The following MGAM variants were observed in gnomAD, a reference collection of about 807,000 sequenced individuals.
MGAM encodes maltase-glucoamylase.
Under a neutral mutation model 358.8 loss-of-function variants are expected in MGAM, and 253 were observed. That is an observed-to-expected ratio of 0.71 (90% CI 0.64 to 0.78). MGAM has a LOEUF of 0.78. Among genes scored for constraint, MGAM ranks in the 30% least tolerant of loss-of-function variants. The pLI is 0.00. For synonymous variants in MGAM, 1,105 were observed against 1,227.1 expected, an observed-to-expected ratio of 0.90 and a Z score of 2.08; for missense variants, 3,080 against 3,432.6, an observed-to-expected ratio of 0.90 and a Z score of 2.57.
rs1554458976 is a variant in MGAM, at chr7:142,021,853, G to A, written c.710+116G>A. On this transcript the variant is annotated intron_variant, in intron 6 of 70. Coordinates refer to ENST00000475668, the MANE Select transcript of MGAM (RefSeq NM_001365693.1). ...TGAAGGTTGTGGGCCCATTATTGGT[G>A]ACCAGAACCTTTACCTTCTAAAGTA... 1.2e-5 allele frequency: 13 copies of A among 1,055,656 alleles called. No individual in the cohort carries two copies. In the South Asian group the frequency reaches 1.6e-4, roughly 13 times the overall value. 65.4% of individuals were successfully genotyped at this position (1,055,656 alleles called of 1,614,324 possible).
In MGAM at chr7:142,038,009, T is replaced by G. The variant is rs548025941; in HGVS notation, c.2232-522T>G. Among the ~76,000 whole-genome samples the G allele has an allele frequency of 6.6e-5, 10 of 151,458 alleles. No individual in the cohort carries two copies. In the South Asian group the frequency reaches 2.1e-3, roughly 32 times the overall value. On this transcript the variant is annotated intron_variant, in intron 18 of 70. Coordinates refer to ENST00000475668, the MANE Select transcript of MGAM (RefSeq NM_001365693.1). ...AGGTTTTATTCATTCTTTCTAACTA[T>G]TTTTTTTTGTATCTGTTAACCATCT...
Position 142,094,368 on chromosome 7 carries a change from G to A in MGAM, c.7177G>A (p.Val2393Met), listed in dbSNP as rs377434592. ...WSQTRPTYEA[V>M]QEVTGQRGVV... Reference sequence around the variant, plus strand: ...CTCCTTTTCCCCTCCAACCAGAGCCGTGCAGGAGGTGACAGGACAGCGAGG... The same window carrying A: ...CTCCTTTTCCCCTCCAACCAGAGCCATGCAGGAGGTGACAGGACAGCGAGG... Residue 2393 changes from valine to methionine, a missense_variant, in exon 61 of 71, where the codon GTG (valine) becomes ATG (methionine). Physicochemically the swap from Val to Met is conservative, Grantham distance 21. This residue lies in a region of MGAM where 932 missense variants were observed against 1,198.2 expected (regional missense o/e 0.78). Transcript: ENST00000475668. 55 of 1,522,314 alleles carry A rather than the reference G, an allele frequency of 3.6e-5. 6 individuals are homozygous for A. Among genetic ancestry groups the A allele is most frequent in the African/African-American group, 2.0e-4 (15 of 73,752 alleles). The allele number at this position is 1,522,314 out of a possible 1,614,324, so 94.3% of individuals were successfully genotyped here. A position where few individuals can be genotyped will look rare whatever the true frequency, so the allele number is the denominator to read the frequency against.
rs756300368 is a variant in MGAM, at chr7:142,074,144, A to T, written c.5246A>T (p.Glu1749Val). 4 of 1,544,326 alleles carry T rather than the reference A, an allele frequency of 2.6e-6. No homozygotes were observed. Among genetic ancestry groups the T allele is most frequent in the Admixed American group, 1.7e-5 (1 of 58,208 alleles). Residue 1749 changes from glutamate (E) to valine (V), a missense_variant, in exon 45 of 71, where the codon GAA becomes GTA. Glu to Val is a moderately radical substitution (Grantham distance 121). Around this residue, in one of 5 missense-constraint regions of MGAM, gnomAD observed 932 missense variants for 1,198.2 expected, o/e 0.78. Coordinates refer to ENST00000475668, the MANE Select transcript of MGAM (RefSeq NM_001365693.1). Reference protein sequence around the residue: ...ALDENKEAKGELFWDDGQTKD... With the variant: ...ALDENKEAKGVLFWDDGQTKD... ...GATGAAAACAAAGAAGCAAAAGGAG[A>T]ACTTTTCTGGGATGATGGGCAAACA...
At chr7:142,000,447 T>G (rs1804641917) in intron 1 of MGAM, among the ~76,000 whole-genome samples, 1 of 152,172 alleles carries the variant, frequency 6.6e-6, no homozygotes, top group Non-Finnish European at 1.5e-5. Context: ...TGCCTAGTCT[T>G]GGAAGTTAGA....
At chr7:142,100,011 C>G (rs1224927600) in intron 67 of MGAM, among the ~76,000 whole-genome samples, 1 of 151,958 alleles carries the variant, frequency 6.6e-6, no homozygotes, top group Non-Finnish European at 1.5e-5. Flanking sequence ...AAAATAGGAG[C>G]CACCACGATT....
chr7:142,101,145 A>C (rs1209167562), intron 68 of MGAM, among the ~76,000 whole-genome samples: 1 of 152,196 alleles, frequency 6.6e-6, no homozygotes, highest in Non-Finnish European at 1.5e-5. Context: ...AGCCATGGGG[A>C]AAGTTTATTT....
At chr7:142,049,471 G>T (rs1033186156) in intron 22 of MGAM, among the ~76,000 whole-genome samples, 18 of 152,088 alleles carry the variant, frequency 1.2e-4, no homozygotes, top group African/African-American at 4.1e-4. Flanking sequence ...AAACTAAAAG[G>T]CTTCTGCACA....
chr7:142,083,082 C>A (rs1053047245), intron 52 of MGAM, among the ~76,000 whole-genome samples: 1 of 145,960 alleles, frequency 6.9e-6, no homozygotes, highest in African/African-American at 2.4e-5. Context: ...AAGAGTAGAA[C>A]GACAAAATAT....
At chr7:142,070,297 TC>T (rs1813234361) in intron 43 of MGAM, among the ~76,000 whole-genome samples, 1 of 146,228 alleles carries the variant, frequency 6.8e-6, no homozygotes, top group East Asian at 2.0e-4. Flanking sequence ...TAATTAATCT[TC>T]CCAAGTTTGG....
rs1214529997 is a variant in MGAM, at chr7:142,067,109, A to T, written c.4920-232A>T. ...ATGTGCCATGGTTAAGAAATGAGGT[A>T]ATATTTTACAGGAGAGAACACATCT... On this transcript the variant is annotated intron_variant, in intron 41 of 70. Transcript: ENST00000475668. 2.7e-5 allele frequency among the ~76,000 whole-genome samples: 4 copies of T among 145,978 alleles called. 1 individual carries two copies. The East Asian group carries it at 8.1e-4, about 29-fold the overall frequency.
chr7:142,060,437 G>T, intron 34 of MGAM, 64 bp downstream of exon 34: 1 of 1,562,634 alleles, frequency 6.4e-7, no homozygotes. Flanking sequence ...CTGTTCCTGG[G>T]ATTGTGGACA....
At chr7:142,070,894 G>C in intron 43 of MGAM, 100 bp from the exon 44 acceptor site, 1 of 1,424,810 alleles carries the variant, frequency 7.0e-7, no homozygotes, top group Non-Finnish European at 9.8e-7. Flanking sequence ...TGATGAACAG[G>C]CATAAGTTCA....
At chr7:142,005,429 A>G (rs576749280) in intron 1 of MGAM, 100 bp from the exon 2 acceptor site, 72 of 800,960 alleles carry the variant, frequency 9.0e-5, no homozygotes, top group Non-Finnish European at 1.2e-4. Context: ...GAGGCTTGTT[A>G]TAGTATTCAT....
rs760296344 is a variant in MGAM at position 142,064,446 on chromosome 7, C to A, written c.4408C>A (p.Leu1470Ile). ...CCTTTGTATGGAGAGTCAGCAGATC[C>A]TCCCAGACGGCTCCCTGGTGCAGCA... is the stretch of plus-strand genomic sequence containing the variant. ...KTLCMESQQI[L>I]PDGSLVQHYN... Residue 1470 changes from leucine (L) to isoleucine (I), a missense_variant, in exon 37 of 71, where the codon CTC becomes ATC. Physicochemically the swap from Leu to Ile is conservative, Grantham distance 5 (BLOSUM62 2). Around this residue, in one of 5 missense-constraint regions of MGAM, gnomAD observed 1,816 missense variants for 1,840.5 expected, o/e 0.99. Transcript: ENST00000475668. The A allele has an allele frequency of 3.1e-6, 5 of 1,602,446 alleles. No individual in the cohort carries two copies. The highest frequency in any genetic ancestry group is 3.4e-6 in the Non-Finnish European group (4 of 1,174,602).
Position 142,055,734 on chromosome 7 carries a change from C to G in MGAM, c.3483+8C>G. On this transcript the variant is annotated splice_region_variant and intron_variant, in intron 28 of 70. Coordinates refer to ENST00000475668, the MANE Select transcript of MGAM (RefSeq NM_001365693.1). ...CGAGACCAGCCCCCAGGGGTAAGGA[C>G]AGAGCATTTGGGATCTGTGTCTCTG... The G allele has an allele frequency of 1.2e-6, 2 of 1,613,648 alleles. No homozygotes were observed. Among genetic ancestry groups the G allele is most frequent in the Non-Finnish European group, 1.7e-6 (2 of 1,179,720 alleles).
rs74614950 is a variant in MGAM at position 142,050,182 on chromosome 7, G to A, written c.2588-53G>A. 375 of 1,573,648 alleles carry A rather than the reference G, an allele frequency of 2.4e-4. 1 individual carries two copies. In the African/African-American group the frequency reaches 4.4e-3, roughly 19 times the overall value. On this transcript the variant is annotated intron_variant, in intron 22 of 70. Transcript: ENST00000475668. The stretch of plus-strand genomic sequence containing the variant: ...TGAAAGGAGTGGTAGGGTGAAATCT[G>A]TTCTTCTGAGGTGGGCAGGCCAGAA...
Position 142,044,099 on chromosome 7 carries a change from AATAT to A in MGAM, c.2498+3257_2498+3260del, listed in dbSNP as rs1192928240. On this transcript the variant is annotated intron_variant, in intron 21 of 70. Coordinates refer to ENST00000475668, the MANE Select transcript of MGAM (RefSeq NM_001365693.1). ...TACATTATATACACATACGACGTAT[AATAT>A]ATACATTATATACACATACGACGTA... Among the ~76,000 whole-genome samples the A allele has an allele frequency of 1.2e-4, 17 of 138,382 alleles. 1 individual carries two copies. The highest frequency in any genetic ancestry group is 4.4e-4 in the African/African-American group (15 of 34,010). The allele number at this position is 138,382 out of a possible 152,430, so 90.8% of individuals were successfully genotyped here.
intron 10 of MGAM, among the ~76,000 whole-genome samples, chr7:142,028,283 G>A (rs1267303552): frequency 6.6e-6 from 1 of 152,154 alleles, no homozygotes; most frequent in African/African-American, 2.4e-5. Context: ...TAGGTTTAGT[G>A]TCAGGTCAAG....
chr7:142,071,806 C>T (rs1002927374), intron 44 of MGAM, among the ~76,000 whole-genome samples: 1 of 146,196 alleles, frequency 6.8e-6, no homozygotes, highest in Non-Finnish European at 1.5e-5. Context: ...CCTCAAAAGT[C>T]TATGTCACTG....
Sources: gnomAD v4.1 joint callset for allele counts (sites outside exome capture counted in the v4.1 genomes callset) on GRCh38, gnomAD v4.1.1 for gene constraint, gnomAD v4.1.1 regional missense constraint, MANE v1.5 for transcripts, NCBI Gene and HGNC (gene_info 2026-07-23, HGNC 2026-07-21) for gene names.